The following ATG2A variants were observed in gnomAD, a reference collection of about 807,000 sequenced individuals.
The protein encoded by ATG2A is autophagy-related protein 2 homolog A.
A neutral mutation model predicts 214.2 loss-of-function variants in ATG2A; 103 were observed. That is an observed-to-expected ratio of 0.48 (90% confidence interval 0.41 to 0.57). The LOEUF (loss-of-function observed/expected upper bound fraction) is 0.57. Among genes scored for constraint, ATG2A ranks in the 20% least tolerant of loss-of-function variants. ATG2A has a pLI of 0.00. For synonymous variants in ATG2A, 1,160 were observed against 1,142.1 expected (o/e 1.02, Z -0.32); for missense variants, 2,312 against 2,613.2 (o/e 0.88, Z 2.51).
rs1272871251 is a variant in ATG2A at position 64,907,521 on chromosome 11, A to T, written c.2647+4T>A. On this transcript the variant is annotated splice_donor_region_variant and intron_variant, in intron 18 of 40. Transcript: ENST00000377264. ...CTCTAGCCCAGCGTTAGCACCTCTC[A>T]TACCCAGCTTGAAGGCTGACTTGCA... The T allele has an allele frequency of 1.2e-6, 2 of 1,606,464 alleles. No individual in the cohort carries two copies. Among genetic ancestry groups the T allele is most frequent in the Non-Finnish European group, 1.7e-6 (2 of 1,176,142 alleles).
chr11:64,902,007 G>A lies in ATG2A; in HGVS notation c.4074C>T (p.Asp1358=), dbSNP rs1175206162. Residue 1358 remains aspartate, a synonymous_variant, in exon 29 of 41, where the codon GAC becomes GAT. Transcript: ENST00000377264. ...CATCAAGGATGCAGAACTCATCACT[G>A]TCCAGGGTGTCTCCATCGCCCTCCT... The part of the protein sequence containing the change: ...REEEGDGDTL[D]SDEFCILDAP... 6.2e-7 allele frequency: 1 copy of A among 1,613,884 alleles called. No individual in the cohort carries two copies. The highest frequency in any genetic ancestry group is 2.2e-5 in the East Asian group (1 of 44,880).
rs1201401880 is a variant in ATG2A at position 64,912,127 on chromosome 11, G to T, written c.1045C>A (p.Pro349Thr). Residue 349 changes from proline (P) to threonine (T), a missense_variant, in exon 8 of 41, where the codon CCA (proline) becomes ACA (threonine). By Grantham distance (38) the Pro-to-Thr change is conservative. Coordinates refer to ENST00000377264, the MANE Select transcript of ATG2A (RefSeq NM_015104.3). ...AGAAGGGGGTTGGTAAGGGGGTCTG[G>T]GCTGAGGGGCTCAGCCACTGCCCCT... ...QAGAVAEPLSPDPLTNPLLNL... is the reference protein window; with the variant it reads ...QAGAVAEPLSTDPLTNPLLNL... 9 of 1,613,794 alleles carry T rather than the reference G, an allele frequency of 5.6e-6. No homozygotes were observed. Among genetic ancestry groups the T allele is most frequent in the Non-Finnish European group, 1.7e-6 (2 of 1,180,016 alleles).
chr11:64,901,118 G>T, intron 29 of ATG2A, 26 bp from the exon 30 acceptor site: 1 of 1,549,146 alleles, frequency 6.5e-7, no homozygotes, highest in South Asian at 1.2e-5. Context: ...GTAGACGTGT[G>T]ACACAGATGT....
rs565394394 is a variant in ATG2A at position 64,910,857 on chromosome 11, C to A, written c.1564G>T (p.Val522Leu). The A allele has an allele frequency of 1.2e-6, 2 of 1,608,838 alleles. No homozygotes were observed. Among genetic ancestry groups the A allele is most frequent in the African/African-American group, 2.7e-5 (2 of 74,894 alleles). Residue 522 changes from valine to leucine, a missense_variant, in exon 11 of 41, where the codon GTG (valine) becomes TTG (leucine). Val to Leu is a conservative substitution (Grantham distance 32). Coordinates refer to ENST00000377264, the MANE Select transcript of ATG2A (RefSeq NM_015104.3). ...SMEVHFGQLE[V>L]LECLWPRGTS... ...CCCCGGGGCCACAGACACTCCAGCACCTCCAGCTGCCCGAAGTGCACTTCC... is the reference window on the plus strand; with the variant it reads ...CCCCGGGGCCACAGACACTCCAGCAACTCCAGCTGCCCGAAGTGCACTTCC...
chr11:64,916,641 C>T (rs1944997231), intron 1 of ATG2A, among the ~76,000 whole-genome samples: 1 of 152,090 alleles, frequency 6.6e-6, no homozygotes, highest in East Asian at 1.9e-4. Flanking sequence ...CCTCCCCAGC[C>T]CCTCCTCAGC....
chr11:64,898,909 G>T lies in ATG2A; in HGVS notation c.4465-67C>A. 1 of 1,456,740 alleles carries T rather than the reference G, an allele frequency of 6.9e-7. No homozygotes were observed. Among genetic ancestry groups the T allele is most frequent in the Non-Finnish European group, 9.4e-7 (1 of 1,066,276 alleles). The allele number at this position is 1,456,740 out of a possible 1,614,324, so 90.2% of individuals were successfully genotyped here. ...AAGAGGGAGGGAAGGGCTGGCCCCA[G>T]ACCCCTTCTCTATTCTTTTTTTGAG... On this transcript the variant is annotated intron_variant, in intron 31 of 40. Coordinates refer to ENST00000377264, the MANE Select transcript of ATG2A (RefSeq NM_015104.3). This position sits in a 1 kb window ranked among gnomAD's most constrained non-coding sequence, Gnocchi z 4.5.
At chr11:64,911,786 A>G (rs930702575) in intron 9 of ATG2A, 56 bp downstream of exon 9, 219 of 1,604,680 alleles carry the variant, frequency 1.4e-4, no homozygotes, top group Non-Finnish European at 3.1e-5. Flanking sequence ...CCACGGCACT[A>G]AGGCCTCTTC....
intron 26 of ATG2A, 45 bp from the exon 27 acceptor site, chr11:64,902,725 C>A: frequency 6.4e-7 from 1 of 1,574,758 alleles, no homozygotes; most frequent in Non-Finnish European, 8.7e-7. Flanking sequence ...ACACAGGGGC[C>A]ACTGCCTGCT....
At chr11:64,912,287 C>CT in intron 7 of ATG2A, 38 bp from the exon 8 acceptor site, 11 of 1,590,460 alleles carry the variant, frequency 6.9e-6, no homozygotes, top group South Asian at 1.1e-5. Context: ...CTGGCTGGCC[C>CT]TCCCAGCCAC....
chr11:64,900,761 A>G, intron 30 of ATG2A, 123 bp downstream of exon 30: 1 of 1,443,034 alleles, frequency 6.9e-7, no homozygotes, highest in Admixed American at 2.7e-5. Context: ...ATAAGGAAGG[A>G]TGAGGAAACT....
Position 64,913,165 on chromosome 11 carries a change from A to G in ATG2A, c.727-29T>C, listed in dbSNP as rs73474781. The G allele has an allele frequency of 5.8e-3, 9,271 of 1,596,052 alleles. 421 individuals are homozygous for G. In the African/African-American group the frequency reaches 0.11, roughly 18 times the overall value. On this transcript the variant is annotated intron_variant, in intron 5 of 40. Coordinates refer to ENST00000377264, the MANE Select transcript of ATG2A (RefSeq NM_015104.3). This position sits in a 1 kb window ranked among gnomAD's most constrained non-coding sequence, Gnocchi z 4.3. The stretch of plus-strand genomic sequence containing the variant: ...GGAGACGGGAGGATACAAGAGGGAA[A>G]GGTTGAGAAAATGGAGTCAGAGATG...
chr11:64,903,312 C>T lies in ATG2A; in HGVS notation c.3588G>A (p.Trp1196Ter). The change falls in exon 26 of 41, where the codon TGG becomes TGA. Residue 1196 changes from tryptophan (W) to a stop codon, truncating the protein, a stop_gained. Transcript: ENST00000377264. LOFTEE classifies it high-confidence loss of function. The surrounding 1 kb of genome is among the most constrained non-coding windows in gnomAD (Gnocchi z 4.2). ...VDLLELVIKT[W>*]KGSTEGKLSQ... Reference sequence around the variant, plus strand: ...CCAGTTTGCCCTCGGTGCTCCCTTTCCAGGTTTTAATCACAAGTTCCAAGA... The same window carrying T: ...CCAGTTTGCCCTCGGTGCTCCCTTTTCAGGTTTTAATCACAAGTTCCAAGA... 1.2e-6 allele frequency: 2 copies of T among 1,614,062 alleles called. No homozygotes were observed. The highest frequency in any genetic ancestry group is 1.7e-6 in the Non-Finnish European group (2 of 1,180,008).
chr11:64,912,894 C>T (rs1268962810), intron 6 of ATG2A, 144 bp downstream of exon 6: 1 of 675,642 alleles, frequency 1.5e-6, no homozygotes, highest in Non-Finnish European at 2.4e-6. Context: ...GCCTGGCCTA[C>T]AGCCTCAGTT....
rs368768421 is a variant in ATG2A, at chr11:64,901,114, G to A, written c.4120-22C>T. 1.0e-5 allele frequency: 16 copies of A among 1,550,906 alleles called. No homozygotes were observed. The African/African-American group carries it at 1.1e-4, about 11-fold the overall frequency. On this transcript the variant is annotated intron_variant, in intron 29 of 40. Transcript: ENST00000377264. ...GGGGCTGCAGGGAGGCCAGGTAGAC[G>A]TGTGACACAGATGTTCGATCCAGCC...
At position 64,903,605 on chromosome 11, in the gene ATG2A, G is replaced by A; in HGVS notation, c.3520C>T (p.Leu1174=). The change falls in exon 25 of 41, where the codon CTG becomes TTG. Residue 1174 remains leucine (L), a synonymous_variant. Transcript: ENST00000377264. The surrounding 1 kb of genome is among the most constrained non-coding windows in gnomAD (Gnocchi z 4.2). ...CCCTGCCCACCTCGCCGCAGGTCCA[G>A]GGTCTCCACCTCACACTTGTCGGAC... The part of the protein sequence containing the change: ...YLSDKCEVET[L]DLRRDYVCVL... 1 of 1,549,698 alleles carries A rather than the reference G, an allele frequency of 6.5e-7. No homozygotes were observed. Among genetic ancestry groups the A allele is most frequent in the Non-Finnish European group, 8.7e-7 (1 of 1,146,286 alleles).
At chr11:64,901,825 G>T in intron 29 of ATG2A, 137 bp downstream of exon 29, 4 of 992,288 alleles carry the variant, frequency 4.0e-6, no homozygotes, top group Middle Eastern at 6.2e-4. Context: ...CACCCCCGAG[G>T]TGATGGCAAC....
Position 64,895,540 on chromosome 11 carries a change from CCCTG to C in ATG2A, c.5428-102_5428-99del. The C allele has an allele frequency of 7.4e-7, 1 of 1,343,078 alleles. No individual in the cohort carries two copies. 83.2% of individuals were successfully genotyped at this position (1,343,078 alleles called of 1,614,324 possible). The stretch of plus-strand genomic sequence containing the variant: ...CTGAGACCCCACCAGCCCTCAGCCT[CCCTG>C]CCTGTCACTGTGCTGGCCTAGGGGG... On this transcript the variant is annotated intron_variant, in intron 39 of 40. Coordinates refer to ENST00000377264, the MANE Select transcript of ATG2A (RefSeq NM_015104.3). The surrounding 1 kb of genome is among the most constrained non-coding windows in gnomAD (Gnocchi z 5.0).
At chr11:64,911,017 G>T (rs1245030345) in intron 10 of ATG2A, 21 bp downstream of exon 10, 4 of 1,613,720 alleles carry the variant, frequency 2.5e-6, no homozygotes, top group Non-Finnish European at 3.4e-6. Flanking sequence ...CTCTCCTCAG[G>T]CCCTGGCCTC....
At chr11:64,916,602 T>C (rs1414283360) in intron 1 of ATG2A, among the ~76,000 whole-genome samples, 1 of 152,102 alleles carries the variant, frequency 6.6e-6, no homozygotes, top group East Asian at 1.9e-4. Context: ...AGTCTGTCAC[T>C]GCCCTGGCCC....
Sources: gnomAD v4.1 joint callset for allele counts (sites outside exome capture counted in the v4.1 genomes callset) on GRCh38, gnomAD v4.1.1 for gene constraint, Gnocchi (gnomAD v3.1) non-coding constraint, MANE v1.5 for transcripts, NCBI Gene and HGNC (gene_info 2026-07-23, HGNC 2026-07-21) for gene names.